The following ADA variants were observed in gnomAD, a reference collection of about 807,000 sequenced individuals.
ADA encodes the protein adenosine aminohydrolase.
Under a neutral mutation model 49.0 loss-of-function variants are expected in ADA, and 45 were observed. The ratio of observed to expected loss-of-function variants is 0.92; its 90% CI spans 0.72 to 1.18. The LOEUF is 1.18. ADA is among the 50% of genes most tolerant of loss of function. The pLI is 0.00. For missense variants in ADA, 445 were observed against 472.5 expected (o/e 0.94, Z 0.54); for synonymous variants, 173 against 184.2 (o/e 0.94, Z 0.49).
intron 1 of ADA, among the ~76,000 whole-genome samples, chr20:44,650,384 G>T (rs2065632857): frequency 6.6e-6 from 1 of 152,198 alleles, no homozygotes; most frequent in Admixed American, 6.5e-5. Context: ...CGGCACTTTT[G>T]TGATAGCTGT....
intron 4 of ADA, 81 bp from the exon 5 acceptor site, chr20:44,625,765 A>AAG: frequency 8.2e-7 from 1 of 1,215,576 alleles, no homozygotes; most frequent in Non-Finnish European, 1.2e-6. Flanking sequence ...ACAGAGGAGG[A>AAG]AGAGGAGGCT....
At position 44,621,091 on chromosome 20, in the gene ADA, T is replaced by C. The variant is rs1416109540; in HGVS notation, c.902A>G (p.Lys301Arg). ...SLNTDDPLIF[K>R]STLDTDYQMT... The stretch of plus-strand genomic sequence containing the variant: ...CTGGTAATCAGTGTCCAGGGTGGAC[T>C]TGAAGATGAGCGGGTCATCTGTGTT... The change falls in exon 10 of 12, where the codon AAG becomes AGG. Residue 301 changes from lysine to arginine, a missense_variant. Coordinates refer to ENST00000372874, the MANE Select transcript of ADA (RefSeq NM_000022.4). 2.5e-6 allele frequency: 4 copies of C among 1,614,086 alleles called. No individual in the cohort carries two copies. Among genetic ancestry groups the C allele is most frequent in the Middle Eastern group, 1.6e-4 (1 of 6,084 alleles).
At chr20:44,640,812 C>T (rs1378376787) in intron 1 of ADA, among the ~76,000 whole-genome samples, 3 of 151,400 alleles carry the variant, frequency 2.0e-5, no homozygotes, top group Non-Finnish European at 4.4e-5. Flanking sequence ...TTAAGAGAAA[C>T]ACACACAAGA....
chr20:44,633,055 T>C (rs1426007421), intron 2 of ADA, among the ~76,000 whole-genome samples: 2 of 152,202 alleles, frequency 1.3e-5, no homozygotes, highest in African/African-American at 4.8e-5. Flanking sequence ...CACTGTCTGG[T>C]CCTCTTCCGG....
At chr20:44,646,466 G>A (rs979783392) in intron 1 of ADA, among the ~76,000 whole-genome samples, 1 of 150,760 alleles carries the variant, frequency 6.6e-6, no homozygotes, top group Admixed American at 6.6e-5. Flanking sequence ...AAGGAGGAGG[G>A]AGGAGGGAGA....
chr20:44,622,942 C>T lies in ADA; in HGVS notation c.679-12G>A. ...AGTATGTCCACAGCCTGTAGAGAAG[C>T]AGAATAGAGCCAAGTATGGGAGGAG... On this transcript the variant is annotated splice_polypyrimidine_tract_variant and intron_variant, in intron 7 of 11. Transcript: ENST00000372874. The T allele has an allele frequency of 6.2e-7, 1 of 1,614,236 alleles. No homozygotes were observed. Among genetic ancestry groups the T allele is most frequent in the Non-Finnish European group, 8.5e-7 (1 of 1,180,040 alleles).
chr20:44,642,193 GC>G (rs2065542252), intron 1 of ADA, among the ~76,000 whole-genome samples: 1 of 152,196 alleles, frequency 6.6e-6, no homozygotes, highest in South Asian at 2.1e-4. Context: ...GATCCAAGGA[GC>G]CGAAACCTCA....
Position 44,620,342 on chromosome 20 carries a change from G to T in ADA, c.1035C>A (p.Asp345Glu), listed in dbSNP as rs925706516. The T allele has an allele frequency of 1.2e-6, 2 of 1,614,210 alleles. No individual in the cohort carries two copies. The highest frequency in any genetic ancestry group is 1.3e-5 in the African/African-American group (1 of 75,038). Residue 345 changes from aspartate to glutamate, a missense_variant, in exon 11 of 12, where the codon GAC becomes GAA. Coordinates refer to ENST00000372874, the MANE Select transcript of ADA (RefSeq NM_000022.4). ...LPEDEKRELLDLLYKAYGMPP... is the reference protein window; with the variant it reads ...LPEDEKRELLELLYKAYGMPP... ...GCATCCCATAGGCTTTATAGAGCAG[G>T]TCGAGAAGCTCCCTCTTTTCATCTT... is the stretch of plus-strand genomic sequence containing the variant.
In ADA at chr20:44,626,511, T is replaced by C; in HGVS notation, c.307A>G (p.Ser103Gly). 1.2e-6 allele frequency: 2 copies of C among 1,614,152 alleles called. No individual in the cohort carries two copies. Among genetic ancestry groups the C allele is most frequent in the East Asian group, 2.2e-5 (1 of 44,886 alleles). ...TTGGAGTTGGCCAGCAGGTGCGGAC[T>C]GTACCGCACCTCCACATACACCACG... ...EGVVYVEVRY[S>G]PHLLANSKVE... The change falls in exon 4 of 12, where the codon AGT becomes GGT. Residue 103 changes from serine (S) to glycine (G), a missense_variant. Physicochemically the swap from Ser to Gly is moderately conservative, Grantham distance 56 (BLOSUM62 0). Coordinates refer to ENST00000372874, the MANE Select transcript of ADA (RefSeq NM_000022.4).
At chr20:44,637,101 G>A (rs933285273) in intron 1 of ADA, among the ~76,000 whole-genome samples, 6 of 152,230 alleles carry the variant, frequency 3.9e-5, no homozygotes, top group South Asian at 2.1e-4. Context: ...CACCGCAACC[G>A]ACCCAGGCTC....
At chr20:44,621,749 A>G (rs556987700) in intron 9 of ADA, among the ~76,000 whole-genome samples, 1 of 152,068 alleles carries the variant, frequency 6.6e-6, no homozygotes, top group Admixed American at 6.5e-5. Context: ...CTTAAATACC[A>G]TTGTCCTTCT....
intron 2 of ADA, among the ~76,000 whole-genome samples, chr20:44,633,165 C>T (rs1029586313): frequency 1.3e-5 from 2 of 152,196 alleles, no homozygotes; most frequent in African/African-American, 4.8e-5. Flanking sequence ...TCTCCCACCC[C>T]TATTTACCAC....
intron 3 of ADA, among the ~76,000 whole-genome samples, chr20:44,628,134 G>A (rs1338489451): frequency 6.6e-6 from 1 of 152,212 alleles, no homozygotes; most frequent in East Asian, 1.9e-4. Flanking sequence ...AGGCACACAA[G>A]TGCTGGGAGA....
chr20:44,649,829 G>A (rs1042262755), intron 1 of ADA, among the ~76,000 whole-genome samples: 3 of 144,796 alleles, frequency 2.1e-5, no homozygotes, highest in African/African-American at 5.3e-5. Flanking sequence ...TCCACCTCCT[G>A]GGTTTATGCC....
At chr20:44,639,148 G>A (rs1344982437) in intron 1 of ADA, among the ~76,000 whole-genome samples, 1 of 152,186 alleles carries the variant, frequency 6.6e-6, no homozygotes, top group African/African-American at 2.4e-5. Context: ...GCTCCTCCAA[G>A]GCCAGTTAGA....
chr20:44,622,605 C>T lies in ADA; in HGVS notation c.828G>A (p.Thr276=), dbSNP rs1269140539. 3.7e-6 allele frequency: 6 copies of T among 1,614,110 alleles called. No homozygotes were observed. Among genetic ancestry groups the T allele is most frequent in the Admixed American group, 1.7e-5 (1 of 60,010 alleles). Residue 276 remains threonine (T), a synonymous_variant, in exon 9 of 12, where the codon ACG becomes ACA. Transcript: ENST00000372874. ...SYLTGAWKPD[T]EHAVIRLKND... ...GAGCTCACCGAATGACTGCATGCTC[C>T]GTGTCCGGCTTCCAGGCACCAGTGA...
chr20:44,627,070 G>T (rs968386492), intron 3 of ADA, among the ~76,000 whole-genome samples: 2 of 151,894 alleles, frequency 1.3e-5, no homozygotes, highest in Non-Finnish European at 2.9e-5. Flanking sequence ...CACCGGAGAA[G>T]ACACAGGCCT....
intron 1 of ADA, among the ~76,000 whole-genome samples, chr20:44,636,503 C>G (rs990169050): frequency 6.6e-6 from 1 of 152,160 alleles, no homozygotes; most frequent in Non-Finnish European, 1.5e-5. Flanking sequence ...CAGCTGTTAT[C>G]TCGATCTCTT....
At chr20:44,640,114 T>A (rs2065517827) in intron 1 of ADA, among the ~76,000 whole-genome samples, 1 of 152,026 alleles carries the variant, frequency 6.6e-6, no homozygotes, top group Non-Finnish European at 1.5e-5. Context: ...CCAGAACCTG[T>A]AAATATTACC....
Sources: allele counts gnomAD v4.1 joint callset (sites outside exome capture counted in the v4.1 genomes callset), GRCh38; gene constraint gnomAD v4.1.1; transcripts MANE v1.5; gene names NCBI Gene and HGNC (gene_info 2026-07-23, HGNC 2026-07-21).